The following RYR1 variants were observed in gnomAD, a reference collection of about 807,000 sequenced individuals.
The protein encoded by RYR1 is ryanodine receptor 1.
A neutral mutation model predicts 583.5 loss-of-function variants in RYR1; 342 were observed. The observed-to-expected ratio is 0.59, with a 90% CI of 0.54 to 0.64. RYR1 has a LOEUF of 0.64. Among genes scored for constraint, RYR1 ranks in the 30% least tolerant of loss-of-function variants. The pLI is 0.00. For missense variants in RYR1, 6,032 were observed against 6,917.2 expected, an observed-to-expected ratio of 0.87 and a Z score of 4.54; for synonymous variants, 2,791 against 2,822.5, an observed-to-expected ratio of 0.99 and a Z score of 0.35.
At position 38,561,343 on chromosome 19, in the gene RYR1, G is replaced by T. The variant is rs2145831450; in HGVS notation, c.12513G>T (p.Glu4171Asp). 6.2e-7 allele frequency: 1 copy of T among 1,613,960 alleles called. No individual in the cohort carries two copies. Among genetic ancestry groups the T allele is most frequent in the East Asian group, 2.2e-5 (1 of 44,886 alleles). ...TGGAGCTGGCCGAGAGCATCCTTGA[G>T]TACTTCCGCCCCTACCTGGGCCGCA... ...NFLELAESILEYFRPYLGRIE... is the reference protein window; with the variant it reads ...NFLELAESILDYFRPYLGRIE... Residue 4171 changes from glutamate (E) to aspartate (D), a missense_variant, in exon 90 of 106, where the codon GAG becomes GAT. Coordinates refer to ENST00000359596, the MANE Select transcript of RYR1 (RefSeq NM_000540.3). This position sits in a 1 kb window ranked among gnomAD's most constrained non-coding sequence, Gnocchi z 4.8.
Position 38,527,724 on chromosome 19 carries a change from C to T in RYR1, c.10764C>T (p.Asp3588=). 1 of 1,614,122 alleles carries T rather than the reference C, an allele frequency of 6.2e-7. No individual in the cohort carries two copies. The highest frequency in any genetic ancestry group is 2.2e-5 in the East Asian group (1 of 44,852). ...CGGGTCGCGAGGAGGACGCCGATGA[C>T]CCCGAGAAAATCGTGCGCAGAGTCC... is the stretch of plus-strand genomic sequence containing the variant. The part of the protein sequence containing the change: ...GVPGREEDAD[D]PEKIVRRVQE... Residue 3588 remains aspartate (D), a synonymous_variant, in exon 73 of 106, where the codon GAC becomes GAT. Transcript: ENST00000359596.
At chr19:38,477,191 G>A (rs899850612) in intron 29 of RYR1, among the ~76,000 whole-genome samples, 1 of 152,110 alleles carries the variant, frequency 6.6e-6, no homozygotes, top group African/African-American at 2.4e-5. Context: ...CACCCAGGCT[G>A]GAGTGCAGTG....
chr19:38,543,244 T>TA lies in RYR1; in HGVS notation c.11690-102dup. 1 of 962,236 alleles carries TA rather than the reference T, an allele frequency of 1.0e-6. No individual in the cohort carries two copies. Among genetic ancestry groups the TA allele is most frequent in the Non-Finnish European group, 1.7e-6 (1 of 587,204 alleles). 59.6% of individuals were successfully genotyped at this position (962,236 alleles called of 1,614,324 possible). On this transcript the variant is annotated intron_variant, in intron 84 of 105. Transcript: ENST00000359596. The surrounding 1 kb of genome is among the most constrained non-coding windows in gnomAD (Gnocchi z 4.4). ...TGATGATATGCTTTCTGGCATACAA[T>TA]AGGAACTCAACACATGAGTATTGCA...
intron 82 of RYR1, 123 bp from the exon 83 acceptor site, chr19:38,536,627 C>G: frequency 8.7e-7 from 1 of 1,147,812 alleles, no homozygotes; most frequent in Non-Finnish European, 1.3e-6. Flanking sequence ...GGTTGTTCCT[C>G]TCTCTCTGTG....
chr19:38,578,237 C>T, intron 99 of RYR1, 33 bp downstream of exon 99: 2 of 1,608,676 alleles, frequency 1.2e-6, no homozygotes. Flanking sequence ...GGGAGGGACT[C>T]TGCAGGGGTG....
At position 38,580,447 on chromosome 19, in the gene RYR1, C is replaced by T. The variant is rs146072491; in HGVS notation, c.14589C>T (p.Phe4863=). 10,080 of 1,614,160 alleles carry T rather than the reference C, an allele frequency of 6.2e-3. 63 individuals are homozygous for T. Among genetic ancestry groups the T allele is most frequent in the Non-Finnish European group, 6.2e-3 (7,355 of 1,180,038 alleles). ...TVVAFNFFRK[F]YNKSEDEDEP... is the part of the protein sequence containing the mutation. ...TGGCCTTCAACTTCTTCCGCAAGTTCTACAACAAGAGCGAGGATGAGGATG... is the reference window on the plus strand; with the variant it reads ...TGGCCTTCAACTTCTTCCGCAAGTTTTACAACAAGAGCGAGGATGAGGATG... The change falls in exon 101 of 106, where the codon TTC becomes TTT. Residue 4863 remains phenylalanine (F), a synonymous_variant. Coordinates refer to ENST00000359596, the MANE Select transcript of RYR1 (RefSeq NM_000540.3).
intron 58 of RYR1, among the ~76,000 whole-genome samples, chr19:38,508,353 G>A (rs1274558699): frequency 2.0e-5 from 3 of 152,020 alleles, no homozygotes; most frequent in East Asian, 1.9e-4. Flanking sequence ...GGGACCACAG[G>A]CACGGGCGCC....
chr19:38,580,281 G>A, intron 100 of RYR1, 89 bp from the exon 101 acceptor site: 1 of 1,594,190 alleles, frequency 6.3e-7, no homozygotes, highest in Non-Finnish European at 8.5e-7. Context: ...AGAGCCACAG[G>A]GACTGAACCG....
In RYR1 at chr19:38,477,751, C is replaced by T. The variant is rs781252146; in HGVS notation, c.4335C>T (p.Ser1445=). The part of the protein sequence containing the change: ...SVRVFAGQEP[S]CVWAGWVTPD... ...GGGTCTTTGCTGGACAGGAGCCCAGCTGCGTGTGGGCGGGCTGGGTCACCC... is the reference window on the plus strand; with the variant it reads ...GGGTCTTTGCTGGACAGGAGCCCAGTTGCGTGTGGGCGGGCTGGGTCACCC... The change falls in exon 30 of 106, where the codon AGC becomes AGT. Residue 1445 remains serine, a synonymous_variant. Coordinates refer to ENST00000359596, the MANE Select transcript of RYR1 (RefSeq NM_000540.3). The T allele has an allele frequency of 6.2e-7, 1 of 1,614,038 alleles. No individual in the cohort carries two copies. The highest frequency in any genetic ancestry group is 1.3e-5 in the African/African-American group (1 of 74,924).
intron 61 of RYR1, among the ~76,000 whole-genome samples, chr19:38,511,852 G>A (rs1045909397): frequency 6.6e-6 from 1 of 152,136 alleles, no homozygotes; most frequent in Non-Finnish European, 1.5e-5. Context: ...CAGCCCAGTG[G>A]GGTCAGGGCT....
Position 38,496,939 on chromosome 19 carries a change from G to A in RYR1, c.6876G>A (p.Glu2292=), listed in dbSNP as rs970711255. Residue 2292 remains glutamate, a synonymous_variant, in exon 42 of 106, where the codon GAG becomes GAA. Coordinates refer to ENST00000359596, the MANE Select transcript of RYR1 (RefSeq NM_000540.3). The surrounding 1 kb of genome is among the most constrained non-coding windows in gnomAD (Gnocchi z 4.8). ...DNNELALALQ[E]QDLEKVVSYL... is the part of the protein sequence containing the mutation. ...ATGAGCTGGCCTTGGCATTGCAGGA[G>A]CAGGACCTGGAAAAGGTGTGGAGGG... The A allele has an allele frequency of 3.1e-6, 5 of 1,613,422 alleles. No homozygotes were observed. Among genetic ancestry groups the A allele is most frequent in the African/African-American group, 2.7e-5 (2 of 74,938 alleles).
In RYR1 at chr19:38,548,346, A is replaced by G; in HGVS notation, c.12208A>G (p.Ile4070Val). ...FFDMFLKLKD[I>V]VGSEAFQDYV... is the part of the protein sequence containing the mutation. The stretch of plus-strand genomic sequence containing the variant: ...CGACATGTTCCTGAAACTCAAGGAC[A>G]TTGTGGGCTCTGAAGCCTTCCAGGA... The change falls in exon 89 of 106, where the codon ATT becomes GTT. Residue 4070 changes from isoleucine to valine, a missense_variant. By Grantham distance (29) the Ile-to-Val change is conservative. Coordinates refer to ENST00000359596, the MANE Select transcript of RYR1 (RefSeq NM_000540.3). The G allele has an allele frequency of 6.2e-7, 1 of 1,614,162 alleles. No homozygotes were observed. The highest frequency in any genetic ancestry group is 8.5e-7 in the Non-Finnish European group (1 of 1,180,014).
At position 38,564,999 on chromosome 19, in the gene RYR1, A is replaced by C; in HGVS notation, c.12665A>C (p.Asn4222Thr). 6.3e-7 allele frequency: 1 copy of C among 1,592,978 alleles called. No individual in the cohort carries two copies. Among genetic ancestry groups the C allele is most frequent in the Non-Finnish European group, 8.5e-7 (1 of 1,170,462 alleles). ...CGCCAGTTCATCTTCGACGTGGTGA[A>C]CGAGGGCGGCGAGGCTGAGAAGATG... ...SKRQFIFDVV[N>T]EGGEAEKMEL... The change falls in exon 91 of 106, where the codon AAC becomes ACC. Residue 4222 changes from asparagine (N) to threonine (T), a missense_variant. Around this residue, in one of 11 missense-constraint regions of RYR1, gnomAD observed 753 missense variants for 759.6 expected, o/e 0.99. Transcript: ENST00000359596.
intron 63 of RYR1, among the ~76,000 whole-genome samples, chr19:38,513,064 G>A (rs1245041062): frequency 1.3e-5 from 2 of 152,162 alleles, no homozygotes; most frequent in Non-Finnish European, 1.5e-5. Flanking sequence ...TTGGCCGAGC[G>A]CAGTGGCTCA....
intron 67 of RYR1, among the ~76,000 whole-genome samples, chr19:38,521,412 G>A (rs1230901708): frequency 6.6e-6 from 1 of 151,270 alleles, no homozygotes; most frequent in African/African-American, 2.4e-5. Flanking sequence ...AGTGGCTCGT[G>A]ACTGTAATCC....
rs1314566176 is a variant in RYR1, at chr19:38,460,575, C to A, written c.2561C>A (p.Pro854His). The change falls in exon 20 of 106, where the codon CCT becomes CAT. Residue 854 changes from proline (P) to histidine (H), a missense_variant. Coordinates refer to ENST00000359596, the MANE Select transcript of RYR1 (RefSeq NM_000540.3). ...CLSHTDFVPC[P>H]VDTVQIVLPP... ...TCACACACCGACTTCGTGCCCTGCC[C>A]TGTGGACACTGTCCAGGTACTGCCT... 17 of 1,612,114 alleles carry A rather than the reference C, an allele frequency of 1.1e-5. No homozygotes were observed. Among genetic ancestry groups the A allele is most frequent in the Non-Finnish European group, 1.3e-5 (15 of 1,180,016 alleles).
rs78795178 is a variant in RYR1, at chr19:38,499,816, C to T, written c.7209C>T (p.Arg2403=). Residue 2403 remains arginine (R), a synonymous_variant, in exon 44 of 106, where the codon CGC becomes CGT. Coordinates refer to ENST00000359596, the MANE Select transcript of RYR1 (RefSeq NM_000540.3). The surrounding 1 kb of genome is among the most constrained non-coding windows in gnomAD (Gnocchi z 7.3). ...CAGGCATCCGCAGGGACCGGCGGCG[C>T]GAGCAGTGAGTCTCCCGGCCCCCTC... ...DGPGIRRDRR[R]EHFGEEPPEE... The T allele has an allele frequency of 6.7e-3, 10,684 of 1,606,338 alleles. 1,116 individuals are homozygous for T. The East Asian group carries it at 0.21, about 32-fold the overall frequency.
At chr19:38,471,704 C>T (rs1441858513) in intron 27 of RYR1, among the ~76,000 whole-genome samples, 1 of 151,860 alleles carries the variant, frequency 6.6e-6, no homozygotes, top group Non-Finnish European at 1.5e-5. Flanking sequence ...AGTTCGAGAC[C>T]AGCCTGGCCA....
At chr19:38,527,384 C>A (rs1337520875) in intron 72 of RYR1, among the ~76,000 whole-genome samples, 1 of 152,172 alleles carries the variant, frequency 6.6e-6, no homozygotes, top group African/African-American at 2.4e-5. Flanking sequence ...ATGGCGGGTG[C>A]CTGTAGTCCC....
Sources: gnomAD v4.1 joint callset for allele counts (sites outside exome capture counted in the v4.1 genomes callset) on GRCh38, gnomAD v4.1.1 for gene constraint, gnomAD v4.1.1 regional missense constraint, Gnocchi (gnomAD v3.1) non-coding constraint, MANE v1.5 for transcripts, NCBI Gene and HGNC (gene_info 2026-07-23, HGNC 2026-07-21) for gene names.